Variants in HS3ST4 observed in about 807,000 individuals in gnomAD.
HS3ST4 encodes heparan sulfate-glucosamine 3-sulfotransferase 4, also known as heparan sulfate glucosamine 3-O-sulfotransferase 4.
HS3ST4 carries 17 observed loss-of-function variants against 29.2 expected under a neutral mutation model. The observed-to-expected ratio is 0.58, with a 90% CI of 0.40 to 0.87. HS3ST4 has a LOEUF of 0.87. Among genes scored for constraint, HS3ST4 ranks in the 40% least tolerant of loss-of-function variants. The pLI, the probability that HS3ST4 is intolerant of heterozygous loss-of-function variation, is 0.00. For synonymous variants in HS3ST4, 314 were observed against 285.7 expected (o/e 1.10, Z -1.00); for missense variants, 627 against 634.5 (o/e 0.99, Z 0.13).
At chr16:25,989,064 G>A (rs904102797) in intron 1 of HS3ST4, among the ~76,000 whole-genome samples, 4 of 152,148 alleles carry the variant, frequency 2.6e-5, no homozygotes, top group Admixed American at 1.3e-4. Context: ...AGAAAGGAGA[G>A]TCACAGACAG....
intron 1 of HS3ST4, among the ~76,000 whole-genome samples, chr16:25,815,103 C>T (rs1967080020): frequency 6.6e-6 from 1 of 152,204 alleles, no homozygotes; most frequent in South Asian, 2.1e-4. Context: ...CAAATCTGAA[C>T]AGCTTAGTCT....
intron 1 of HS3ST4, among the ~76,000 whole-genome samples, chr16:26,056,634 C>G (rs1898411984): frequency 6.6e-6 from 1 of 152,226 alleles, no homozygotes; most frequent in Admixed American, 6.5e-5. Flanking sequence ...GTGCTATTAG[C>G]AGCCTCTTAT....
chr16:25,933,281 G>C (rs1327196745), intron 1 of HS3ST4: 1 of 462,728 alleles, frequency 2.2e-6, no homozygotes, highest in East Asian at 6.2e-5. Context: ...TGGCTGCCGA[G>C]AGGTTTCTGT....
At chr16:26,076,488 C>A (rs1318746882) in intron 1 of HS3ST4, among the ~76,000 whole-genome samples, 1 of 152,052 alleles carries the variant, frequency 6.6e-6, no homozygotes, top group Non-Finnish European at 1.5e-5. Context: ...AAGAAACTAC[C>A]CCAGCCAATG....
chr16:25,873,522 C>CTATCTT, intron 1 of HS3ST4, among the ~76,000 whole-genome samples: 1 of 145,152 alleles, frequency 6.9e-6, no homozygotes, highest in Non-Finnish European at 1.5e-5. Context: ...ATCTATCTAT[C>CTATCTT]TGTCTATCTA....
At chr16:25,903,686 A>G (rs1323264491) in intron 1 of HS3ST4, among the ~76,000 whole-genome samples, 2 of 151,986 alleles carry the variant, frequency 1.3e-5, no homozygotes, top group Non-Finnish European at 2.9e-5. Flanking sequence ...GCCATCTTGA[A>G]CTTCCTCCAG....
At chr16:25,872,255 G>T (rs1382132591) in intron 1 of HS3ST4, among the ~76,000 whole-genome samples, 2 of 152,170 alleles carry the variant, frequency 1.3e-5, no homozygotes, top group African/African-American at 4.8e-5. Context: ...AAGGGCTACT[G>T]ACAGAAAGAA....
intron 1 of HS3ST4, among the ~76,000 whole-genome samples, chr16:25,897,425 C>G (rs1392673853): frequency 6.6e-6 from 1 of 152,120 alleles, no homozygotes; most frequent in African/African-American, 2.4e-5. Flanking sequence ...GCACTCCAGC[C>G]TGGGCAACAA....
At chr16:25,805,748 A>G (rs1966983862) in intron 1 of HS3ST4, among the ~76,000 whole-genome samples, 1 of 152,118 alleles carries the variant, frequency 6.6e-6, no homozygotes, top group Non-Finnish European at 1.5e-5. Flanking sequence ...CAGGGTGTGC[A>G]GGTTTGTTAC....
At chr16:25,780,193 G>A (rs1966851404) in intron 1 of HS3ST4, among the ~76,000 whole-genome samples, 2 of 152,294 alleles carry the variant, frequency 1.3e-5, no homozygotes, top group South Asian at 4.1e-4. Flanking sequence ...CTGGGCCCTG[G>A]CTCTTGCCTT....
intron 1 of HS3ST4, among the ~76,000 whole-genome samples, chr16:25,857,893 TTTCTTTCTTCCTTCCTTCCTTCCTTC>T (rs1181833547): frequency 9.3e-5 from 5 of 53,988 alleles, no homozygotes; most frequent in African/African-American, 4.6e-4. Context: ...TTTCTTTCTT[TTTCTTTCTTCCTTCCTTCCTTCCTTC>T]CTTTCTTTCT....
At chr16:25,767,894 A>C (rs1966831225) in intron 1 of HS3ST4, among the ~76,000 whole-genome samples, 1 of 152,232 alleles carries the variant, frequency 6.6e-6, no homozygotes, top group African/African-American at 2.4e-5. Context: ...TGCCCCAGTC[A>C]ATTAGTTCAT....
In HS3ST4 at chr16:26,101,074, G is replaced by C. The variant is rs149566088; in HGVS notation, c.735-34538G>C. ...AATATTCAGTCTGTCAACAGAAACC[G>C]TTTACTCCAGTTGGTGTCTCCAACC... is the stretch of plus-strand genomic sequence containing the variant. On this transcript the variant is annotated intron_variant, in intron 1 of 1. Transcript: ENST00000331351. Among the ~76,000 whole-genome samples, 415 of 152,276 alleles carry C rather than the reference G, an allele frequency of 2.7e-3. 4 individuals carry two copies. Among genetic ancestry groups the C allele is most frequent in the African/African-American group, 9.4e-3 (392 of 41,562 alleles).
intron 1 of HS3ST4, among the ~76,000 whole-genome samples, chr16:25,899,438 G>C (rs1383925032): frequency 6.6e-6 from 1 of 152,190 alleles, no homozygotes; most frequent in Non-Finnish European, 1.5e-5. Context: ...TACAGAGGAA[G>C]GGCCTATGAC....
chr16:25,697,559 T>C (rs1966306624), intron 1 of HS3ST4, among the ~76,000 whole-genome samples: 1 of 152,230 alleles, frequency 6.6e-6, no homozygotes, highest in Non-Finnish European at 1.5e-5. Flanking sequence ...AAAAGTACAC[T>C]TGTGACTCAC....
chr16:25,718,137 G>C (rs1567226196), intron 1 of HS3ST4, among the ~76,000 whole-genome samples: 1 of 152,144 alleles, frequency 6.6e-6, no homozygotes, highest in Non-Finnish European at 1.5e-5. Flanking sequence ...GTTGGGGGTA[G>C]AACACCTGTG....
chr16:25,722,332 G>C (rs1567227007), intron 1 of HS3ST4, among the ~76,000 whole-genome samples: 1 of 152,100 alleles, frequency 6.6e-6, no homozygotes, highest in Non-Finnish European at 1.5e-5. Context: ...CCATGAGAAG[G>C]GTTATTTGGT....
intron 1 of HS3ST4, among the ~76,000 whole-genome samples, chr16:25,984,250 A>C (rs146856871): frequency 6.6e-6 from 1 of 152,266 alleles, no homozygotes. Context: ...GGTGGAAGAC[A>C]ATTTTTCCAT....
rs551815599 is a variant in HS3ST4 at position 25,998,091 on chromosome 16, A to G, written c.735-137521A>G. On this transcript the variant is annotated intron_variant, in intron 1 of 1. Transcript: ENST00000331351. ...TTCCTAGAAAAAGCAAAACAAACAAACAAACAAAAACACCTTAAAACATTA... is the reference window on the plus strand; with the variant it reads ...TTCCTAGAAAAAGCAAAACAAACAAGCAAACAAAAACACCTTAAAACATTA... 2.8e-4 allele frequency among the ~76,000 whole-genome samples: 42 copies of G among 152,108 alleles called. No homozygotes were observed. In the South Asian group the frequency reaches 7.9e-3, roughly 29 times the overall value.
Sources: gnomAD v4.1 joint callset for allele counts (sites outside exome capture counted in the v4.1 genomes callset) on GRCh38, gnomAD v4.1.1 for gene constraint, MANE v1.5 for transcripts, NCBI Gene and HGNC (gene_info 2026-07-23, HGNC 2026-07-21) for gene names.